RRAS2: variants seen among roughly 807,000 people sequenced by gnomAD.
RRAS2 encodes the protein RAS related 2, also known as ras-related protein R-Ras2.
A neutral mutation model predicts 27.6 loss-of-function variants in RRAS2; 7 were observed. The observed-to-expected ratio is 0.25, with a 90% CI of 0.14 to 0.48. RRAS2 has a LOEUF of 0.48. Ranked by LOEUF, RRAS2 falls within the 20% of genes least tolerant of loss-of-function variation. The pLI, the probability that RRAS2 is intolerant of heterozygous loss-of-function variation, is 0.99. For missense variants in RRAS2, 178 were observed against 256.2 expected (o/e 0.69, Z 2.08); for synonymous variants, 86 against 90.9 (o/e 0.95, Z 0.31).
intron 1 of RRAS2, chr11:14,341,800 G>A (rs1202421764): frequency 3.1e-5 from 14 of 452,782 alleles, no homozygotes; most frequent in South Asian, 7.8e-5. Context: ...ATATAAATAC[G>A]CATACTCACC....
chr11:14,322,993 A>G (rs1483468335), intron 1 of RRAS2, among the ~76,000 whole-genome samples: 1 of 152,246 alleles, frequency 6.6e-6, no homozygotes, highest in Non-Finnish European at 1.5e-5. Flanking sequence ...TATCTCTTCA[A>G]ACACTGCTAA....
chr11:14,357,774 T>C (rs771575956), intron 1 of RRAS2, among the ~76,000 whole-genome samples: 1 of 152,202 alleles, frequency 6.6e-6, no homozygotes, highest in Non-Finnish European at 1.5e-5. Context: ...TATCCTTGTT[T>C]CCTGTTATAA....
intron 1 of RRAS2, among the ~76,000 whole-genome samples, chr11:14,355,230 GAAGA>G (rs1360703558): frequency 3.3e-5 from 5 of 151,640 alleles, no homozygotes; most frequent in African/African-American, 1.2e-4. Context: ...ATTTCATGGG[GAAGA>G]AAGAGAAGCT....
chr11:14,343,011 TAAAAGA>T (rs1848748901), intron 1 of RRAS2, among the ~76,000 whole-genome samples: 1 of 152,170 alleles, frequency 6.6e-6, no homozygotes. Context: ...GTTCTGTTTT[TAAAAGA>T]AAAGGAATGT....
At chr11:14,279,545 C>T (rs919136717) in intron 5 of RRAS2, 121 bp from the exon 6 acceptor site, 17 of 749,516 alleles carry the variant, frequency 2.3e-5, no homozygotes, top group Non-Finnish European at 3.6e-5. Context: ...TAAACTTCAA[C>T]GAGGGAATTT....
rs5789833 is a variant in RRAS2 at position 14,294,372 on chromosome 11, A to AT, written c.408+98dup. 388,257 of 561,926 alleles carry AT rather than the reference A, an allele frequency of 0.69. 114,789 individuals carry two copies. Among genetic ancestry groups the AT allele is most frequent in the Admixed American group, 0.79 (19,611 of 24,950 alleles). 34.8% of individuals were successfully genotyped at this position (561,926 alleles called of 1,614,324 possible). ...ACACTTAAGTGGCATGGAGCACCGT[A>AT]TTTTTTTTTTACTAGACTTTCAATT... On this transcript the variant is annotated intron_variant, in intron 4 of 5. Coordinates refer to ENST00000256196, the MANE Select transcript of RRAS2 (RefSeq NM_012250.6).
At chr11:14,294,106 T>A (rs1251881007) in intron 4 of RRAS2, among the ~76,000 whole-genome samples, 1 of 152,246 alleles carries the variant, frequency 6.6e-6, no homozygotes, top group Non-Finnish European at 1.5e-5. Context: ...TAACACCGAA[T>A]AACTTAGGCC....
At chr11:14,337,695 G>A (rs1848615704) in intron 1 of RRAS2, among the ~76,000 whole-genome samples, 1 of 152,098 alleles carries the variant, frequency 6.6e-6, no homozygotes, top group Non-Finnish European at 1.5e-5. Context: ...AGGATATGTA[G>A]GGTTCAATAC....
upstream of RRAS2, among the ~76,000 whole-genome samples, chr11:14,359,445 G>A (rs1002992979): frequency 2.0e-5 from 3 of 152,166 alleles, no homozygotes. Context: ...AATATGTGAC[G>A]GCGTGTGCGA....
chr11:14,330,076 T>C (rs980551565), intron 1 of RRAS2, among the ~76,000 whole-genome samples: 1 of 152,006 alleles, frequency 6.6e-6, no homozygotes, highest in Non-Finnish European at 1.5e-5. Flanking sequence ...CCCTATCTCT[T>C]AGAAACAATG....
intron 1 of RRAS2, among the ~76,000 whole-genome samples, chr11:14,356,073 A>G (rs1849066706): frequency 6.6e-6 from 1 of 152,214 alleles, no homozygotes; most frequent in South Asian, 2.1e-4. Flanking sequence ...TATGTGGTCC[A>G]CCATATTTCC....
intron 1 of RRAS2, among the ~76,000 whole-genome samples, chr11:14,306,962 G>A (rs1847845010): frequency 6.6e-6 from 1 of 151,816 alleles, no homozygotes; most frequent in African/African-American, 2.4e-5. Flanking sequence ...AGGCCAAGGT[G>A]GGTGGATCAC....
chr11:14,359,155 G>A lies in RRAS2; in HGVS notation c.-285C>T. On this transcript the variant is annotated 5_prime_UTR_variant, in exon 1 of 6. Transcript: ENST00000256196. ...GTCTCCGCAGCGCCTGCCGAACGCAGCCTCCAGCGCCGCCACAAATGGCCG... is the reference window on the plus strand; with the variant it reads ...GTCTCCGCAGCGCCTGCCGAACGCAACCTCCAGCGCCGCCACAAATGGCCG... 9.9e-7 allele frequency: 1 copy of A among 1,010,660 alleles called. No homozygotes were observed. The highest frequency in any genetic ancestry group is 1.2e-6 in the Non-Finnish European group (1 of 847,958). 62.6% of individuals were successfully genotyped at this position (1,010,660 alleles called of 1,614,324 possible). A position where few individuals can be genotyped will look rare whatever the true frequency, so the allele number is the denominator to read the frequency against.
intron 4 of RRAS2, 120 bp from the exon 5 acceptor site, chr11:14,281,840 T>C (rs1849546514): frequency 1.3e-6 from 1 of 789,514 alleles, no homozygotes; most frequent in Non-Finnish European, 2.1e-6. Context: ...TATCATAAGG[T>C]GAAACAACAG....
At chr11:14,287,888 A>G (rs7944524) in intron 4 of RRAS2, among the ~76,000 whole-genome samples, 53,124 of 138,110 alleles carry the variant, frequency 0.38, 10,912 homozygotes, top group Admixed American at 0.48. Context: ...AAAAAAAAAA[A>G]AAGAAGAAGA....
At chr11:14,320,893 G>C (rs1284981060) in intron 1 of RRAS2, among the ~76,000 whole-genome samples, 1 of 152,164 alleles carries the variant, frequency 6.6e-6, no homozygotes, top group Non-Finnish European at 1.5e-5. Context: ...AAAAATGGTT[G>C]CAAATGGCTG....
chr11:14,324,454 A>G (rs1476300837), intron 1 of RRAS2, among the ~76,000 whole-genome samples: 1 of 151,412 alleles, frequency 6.6e-6, no homozygotes, highest in Non-Finnish European at 1.5e-5. Context: ...AGGAAAACGT[A>G]TATGAGTGTA....
Position 14,359,123 on chromosome 11 carries a change from T to C in RRAS2, c.-253A>G, listed in dbSNP as rs1849151611. On this transcript the variant is annotated 5_prime_UTR_variant, in exon 1 of 6. Coordinates refer to ENST00000256196, the MANE Select transcript of RRAS2 (RefSeq NM_012250.6). ...CGGCAGCGGCCGGGGGGCGCGCTCC[T>C]CTACGCGTCTCCGCAGCGCCTGCCG... The C allele has an allele frequency of 9.6e-7, 1 of 1,044,174 alleles. No homozygotes were observed. The highest frequency in any genetic ancestry group is 1.2e-6 in the Non-Finnish European group (1 of 869,094). 64.7% of individuals were successfully genotyped at this position (1,044,174 alleles called of 1,614,324 possible). A position where few individuals can be genotyped will look rare whatever the true frequency, so the allele number is the denominator to read the frequency against.
intron 1 of RRAS2, among the ~76,000 whole-genome samples, chr11:14,328,772 C>T (rs1266979025): frequency 2.0e-5 from 3 of 151,928 alleles, no homozygotes; most frequent in Admixed American, 2.0e-4. Flanking sequence ...TCAAGCAATC[C>T]TCCTGGCTCA....
Sources: allele counts gnomAD v4.1 joint callset (sites outside exome capture counted in the v4.1 genomes callset), GRCh38; gene constraint gnomAD v4.1.1; transcripts MANE v1.5; gene names NCBI Gene and HGNC (gene_info 2026-07-23, HGNC 2026-07-21).